The following ZNF418 variants were observed in gnomAD, a reference collection of about 807,000 sequenced individuals.
ZNF418 encodes zinc finger protein 418.
In ZNF418, 32 loss-of-function variants were observed where a neutral mutation model predicts 32.0. The observed-to-expected ratio is 1.00, with a 90% confidence interval of 0.75 to 1.34. The LOEUF is 1.34. Ranked by LOEUF, ZNF418 falls within the 40% of genes most tolerant of loss-of-function variation. The pLI is 0.00. For synonymous variants in ZNF418, 276 were observed against 270.7 expected, an observed-to-expected ratio of 1.02 and a Z score of -0.19; for missense variants, 804 against 812.5, an observed-to-expected ratio of 0.99 and a Z score of 0.13.
rs1192468601 is a variant in ZNF418 at position 57,922,309 on chromosome 19, C to T, written c.*946G>A. 3.0e-6 allele frequency: 1 copy of T among 331,258 alleles called. No individual in the cohort carries two copies. Among genetic ancestry groups the T allele is most frequent in the Non-Finnish European group, 5.4e-6 (1 of 183,780 alleles). 20.5% of individuals were successfully genotyped at this position (331,258 alleles called of 1,614,324 possible). A position where few individuals can be genotyped will look rare whatever the true frequency, so the allele number is the denominator to read the frequency against. On this transcript the variant is annotated 3_prime_UTR_variant, in exon 6 of 6. Coordinates refer to ENST00000396147, the MANE Select transcript of ZNF418 (RefSeq NM_133460.3). Reference sequence around the variant, plus strand: ...TAACCTCTTTGTTAGTTTCATCAATCGAGAAGAGAGGGGAGGGTATGCAAA... The same window carrying T: ...TAACCTCTTTGTTAGTTTCATCAATTGAGAAGAGAGGGGAGGGTATGCAAA...
chr19:57,932,897 C>CT (rs2072538873), intron 2 of ZNF418, among the ~76,000 whole-genome samples: 1 of 152,120 alleles, frequency 6.6e-6, no homozygotes, highest in Non-Finnish European at 1.5e-5. Context: ...GCTTACATCT[C>CT]TTATCTATTC....
chr19:57,931,634 T>C (rs558026265), intron 2 of ZNF418, among the ~76,000 whole-genome samples: 16 of 152,362 alleles, frequency 1.1e-4, no homozygotes, highest in African/African-American at 3.6e-4. Flanking sequence ...TCTCCTTTGG[T>C]CGCCTAAGCT....
chr19:57,926,957 A>G lies in ZNF418; in HGVS notation c.1224T>C (p.Ser408=). The change falls in exon 4 of 6, where the codon AGT becomes AGC. Residue 408 remains serine (S), a synonymous_variant. Coordinates refer to ENST00000396147, the MANE Select transcript of ZNF418 (RefSeq NM_133460.3). ...GATGGTTCCTAAGGTGTCCCTTTCG[A>G]CTAAAAGATTTCCCACATTCTCCAC... ...YECGECGKSF[S]RKGHLRNHQR... The G allele has an allele frequency of 1.9e-6, 3 of 1,613,940 alleles. No individual in the cohort carries two copies. The highest frequency in any genetic ancestry group is 2.5e-6 in the Non-Finnish European group (3 of 1,180,004).
chr19:57,930,860 C>G (rs1016431240), intron 2 of ZNF418, among the ~76,000 whole-genome samples: 4 of 152,178 alleles, frequency 2.6e-5, no homozygotes, highest in African/African-American at 9.7e-5. Context: ...TCACTGCAAC[C>G]TCTGCCTCCT....
Position 57,926,664 on chromosome 19 carries a change from CCA to C in ZNF418, c.1515_1516del (p.Gly506ArgfsTer5). On this transcript the variant is annotated frameshift_variant, in exon 4 of 6. Transcript: ENST00000396147. LOFTEE classifies it low-confidence loss of function (END_TRUNC). ...TTCACTACACTCAAACGGTTTTTCT[CCA>C]GTGTGAACTCTCTGATGAACACGAA... 6.2e-7 allele frequency: 1 copy of C among 1,614,072 alleles called. No individual in the cohort carries two copies. The highest frequency in any genetic ancestry group is 8.5e-7 in the Non-Finnish European group (1 of 1,180,036).
chr19:57,934,121 A>G lies in ZNF418; in HGVS notation c.-80-219T>C, dbSNP rs2072597693. 3 of 1,349,676 alleles carry G rather than the reference A, an allele frequency of 2.2e-6. No individual in the cohort carries two copies. The African/African-American group carries it at 4.4e-5, about 20-fold the overall frequency. 83.6% of individuals were successfully genotyped at this position (1,349,676 alleles called of 1,614,324 possible). ...GGTTTCTCCAGTGTTCTCAGATCAA[A>G]GGACTGAAAAAATGGCAAGTAAGAG... is the stretch of plus-strand genomic sequence containing the variant. On this transcript the variant is annotated intron_variant, in intron 1 of 5. Coordinates refer to ENST00000396147, the MANE Select transcript of ZNF418 (RefSeq NM_133460.3).
At position 57,926,080 on chromosome 19, in the gene ZNF418, T is replaced by C. The variant is rs1009986457; in HGVS notation, c.*70A>G. 1.0e-5 allele frequency: 14 copies of C among 1,343,990 alleles called. No individual in the cohort carries two copies. The highest frequency in any genetic ancestry group is 1.5e-5 in the African/African-American group (1 of 68,172). 83.3% of individuals were successfully genotyped at this position (1,343,990 alleles called of 1,614,324 possible). On this transcript the variant is annotated 3_prime_UTR_variant, in exon 4 of 6. Transcript: ENST00000396147. The stretch of plus-strand genomic sequence containing the variant: ...CACGTTTGTCACACTCATAAGGTCC[T>C]GATCCAGTAAGAACCCTCTGATCAA...
At chr19:57,930,653 C>A in intron 2 of ZNF418, 99 bp from the exon 3 acceptor site, 1 of 1,551,200 alleles carries the variant, frequency 6.4e-7, no homozygotes, top group Non-Finnish European at 8.8e-7. Context: ...ATCCTCCTCC[C>A]AAGATCCTCA....
rs1436880731 is a variant in ZNF418, at chr19:57,922,097, T to A, written c.*1158A>T. 6.6e-6 allele frequency: 1 copy of A among 152,564 alleles called. No homozygotes were observed. Among genetic ancestry groups the A allele is most frequent in the Non-Finnish European group, 1.5e-5 (1 of 68,332 alleles). The allele number at this position is 152,564 out of a possible 1,614,324, so 9.5% of individuals were successfully genotyped here. A position where few individuals can be genotyped will look rare whatever the true frequency, so the allele number is the denominator to read the frequency against. On this transcript the variant is annotated 3_prime_UTR_variant, in exon 6 of 6. Coordinates refer to ENST00000396147, the MANE Select transcript of ZNF418 (RefSeq NM_133460.3). ...GTTGGCCACTCCTGGATTTCTTCGT[T>A]TGGAACGCTGAACCAACACTCTTCT...
Position 57,927,552 on chromosome 19 carries a change from T to G in ZNF418, c.629A>C (p.Lys210Thr). Residue 210 changes from lysine (K) to threonine (T), a missense_variant, in exon 4 of 6, where the codon AAA (lysine) becomes ACA (threonine). Physicochemically the swap from Lys to Thr is moderately conservative, Grantham distance 78. Transcript: ENST00000396147. ...AAATACGTGTTTGGTGCTAGAATGTTTCATGCATTCTCCACAGCTGTAATG... is the reference window on the plus strand; with the variant it reads ...AAATACGTGTTTGGTGCTAGAATGTGTCATGCATTCTCCACAGCTGTAATG... ...DTHYSCGECM[K>T]HSSTKHVFVQ... The G allele has an allele frequency of 1.2e-6, 2 of 1,614,232 alleles. No homozygotes were observed. The highest frequency in any genetic ancestry group is 8.5e-7 in the Non-Finnish European group (1 of 1,180,038).
At position 57,927,613 on chromosome 19, in the gene ZNF418, GT is replaced by G; in HGVS notation, c.567del (p.Lys189AsnfsTer21). The G allele has an allele frequency of 6.2e-7, 1 of 1,614,044 alleles. No individual in the cohort carries two copies. Among genetic ancestry groups the G allele is most frequent in the Non-Finnish European group, 8.5e-7 (1 of 1,179,908 alleles). On this transcript the variant is annotated frameshift_variant, in exon 4 of 6. Transcript: ENST00000396147. LOFTEE classifies it high-confidence loss of function. ...CACTGAAAGGGAGACTCACACTCAG[GT>G]TTGCTGTTTGACTTCTCCCCAGTGT... ...ATHTGEKSNS[K>X]PECESPFQWG...
At chr19:57,935,056 C>T (rs2072640424) in intron 1 of ZNF418, 105 bp downstream of exon 1, 8 of 1,349,794 alleles carry the variant, frequency 5.9e-6, no homozygotes, top group South Asian at 1.4e-5. Context: ...CTCAGTGTCC[C>T]GACGCCGGGT....
In ZNF418 at chr19:57,927,323, A is replaced by G. The variant is rs761986552; in HGVS notation, c.858T>C (p.Tyr286=). Residue 286 remains tyrosine (Y), a synonymous_variant, in exon 4 of 6, where the codon TAT becomes TAC. Transcript: ENST00000396147. ...AAGATTTCCCACATTCTCCACATTC[A>G]TAAGGTCTTTTCCCAGTGTGAACTC... ...HQRVHTGKRP[Y]ECGECGKSFS... 10 of 1,613,966 alleles carry G rather than the reference A, an allele frequency of 6.2e-6. No individual in the cohort carries two copies. The East Asian group carries it at 2.2e-4, about 36-fold the overall frequency.
Position 57,925,679 on chromosome 19 carries a change from G to A in ZNF418, c.*471C>T. ...GTTTACTTCCAGAACATCATGGGGTGAATGAATGATGCACAGTGAACACCT... is the reference window on the plus strand; with the variant it reads ...GTTTACTTCCAGAACATCATGGGGTAAATGAATGATGCACAGTGAACACCT... On this transcript the variant is annotated 3_prime_UTR_variant, in exon 4 of 6. Coordinates refer to ENST00000396147, the MANE Select transcript of ZNF418 (RefSeq NM_133460.3). 6.0e-6 allele frequency: 1 copy of A among 167,518 alleles called. No homozygotes were observed. The highest frequency in any genetic ancestry group is 5.5e-5 in the Admixed American group (1 of 18,314). 10.4% of individuals were successfully genotyped at this position (167,518 alleles called of 1,614,324 possible). A position where few individuals can be genotyped will look rare whatever the true frequency, so the allele number is the denominator to read the frequency against.
chr19:57,925,208 C>T (rs926525019), intron 4 of ZNF418, among the ~76,000 whole-genome samples: 19 of 152,124 alleles, frequency 1.2e-4, no homozygotes, highest in African/African-American at 4.3e-4. Context: ...CGCCTGTAAT[C>T]CCAGCATTTT....
At chr19:57,934,313 C>T in intron 1 of ZNF418, 1 of 673,740 alleles carries the variant, frequency 1.5e-6, no homozygotes, top group Non-Finnish European at 1.8e-6. Context: ...CTCCCGAGTT[C>T]AAGCAATTCT....
chr19:57,935,343 C>A lies in ZNF418; in HGVS notation c.-263G>T, dbSNP rs759688880. The A allele has an allele frequency of 1.5e-5, 9 of 588,648 alleles. No individual in the cohort carries two copies. The highest frequency in any genetic ancestry group is 2.0e-5 in the Non-Finnish European group (9 of 449,116). 36.5% of individuals were successfully genotyped at this position (588,648 alleles called of 1,614,324 possible). ...GCTCCAGCGCCTCTCACCTCACAAA[C>A]CGCAGAAACACACCCAACATTAACC... On this transcript the variant is annotated 5_prime_UTR_variant, in exon 1 of 6. Transcript: ENST00000396147.
chr19:57,930,967 G>C (rs1488935173), intron 2 of ZNF418, among the ~76,000 whole-genome samples: 1 of 151,922 alleles, frequency 6.6e-6, no homozygotes, highest in African/African-American at 2.4e-5. Flanking sequence ...AGTAGAGACA[G>C]GGTTTCACCA....
chr19:57,933,944 C>A (rs2072588329), intron 1 of ZNF418, 42 bp from the exon 2 acceptor site: 1 of 1,603,042 alleles, frequency 6.2e-7, no homozygotes, highest in African/African-American at 1.3e-5. Flanking sequence ...CTCCTCGCCG[C>A]CCTCTTGCCT....
Sources: allele counts gnomAD v4.1 joint callset (sites outside exome capture counted in the v4.1 genomes callset), GRCh38; gene constraint gnomAD v4.1.1; transcripts MANE v1.5; gene names NCBI Gene and HGNC (gene_info 2026-07-23, HGNC 2026-07-21).